The following GALNT13 variants were observed in gnomAD, a reference collection of about 807,000 sequenced individuals.
GALNT13 encodes UDP-GalNAc:polypeptide N-acetylgalactosaminyltransferase 13.
A neutral mutation model predicts 64.2 loss-of-function variants in GALNT13; 28 were observed. That is an observed-to-expected ratio of 0.44 (90% confidence interval 0.32 to 0.60). The LOEUF (loss-of-function observed/expected upper bound fraction) is 0.60, where lower values mean the gene tolerates loss of function less well. Among genes scored for constraint, GALNT13 ranks in the 20% least tolerant of loss-of-function variants. The pLI, the probability that GALNT13 is intolerant of heterozygous loss-of-function variation, is 0.05. For synonymous variants in GALNT13, 214 were observed against 224.6 expected, an observed-to-expected ratio of 0.95 and a Z score of 0.42; for missense variants, 577 against 669.8, an observed-to-expected ratio of 0.86 and a Z score of 1.53.
chr2:153,989,163 A>T (rs1223461419), intron 3 of GALNT13, among the ~76,000 whole-genome samples: 4 of 152,064 alleles, frequency 2.6e-5, no homozygotes, highest in African/African-American at 9.7e-5. Flanking sequence ...AATTGAGTAA[A>T]GCAATACTTT....
At chr2:154,409,487 C>G (rs1407383124) in intron 11 of GALNT13, 1 of 219,344 alleles carries the variant, frequency 4.6e-6, no homozygotes, top group Non-Finnish European at 9.0e-6. Flanking sequence ...TTTTTAAGAG[C>G]TTTTGAAGTT....
intron 3 of GALNT13, among the ~76,000 whole-genome samples, chr2:154,020,438 T>C (rs375900528): frequency 4.6e-5 from 7 of 152,194 alleles, no homozygotes; most frequent in East Asian, 1.9e-4. Flanking sequence ...ATTTGCATTT[T>C]TCTGATGGCC....
the GALNT13 span, among the ~76,000 whole-genome samples, chr2:153,279,198 A>G: frequency 6.6e-6 from 1 of 152,102 alleles, no homozygotes; most frequent in Non-Finnish European, 1.5e-5. Flanking sequence ...TAATTTTTGT[A>G]CACTGATTTT....
chr2:153,718,171 A>G, the GALNT13 span, among the ~76,000 whole-genome samples: 1 of 152,166 alleles, frequency 6.6e-6, no homozygotes, highest in Non-Finnish European at 1.5e-5. Flanking sequence ...CATCATTGTT[A>G]CTATTAGAAC....
chr2:154,450,426 C>G lies in GALNT13; in HGVS notation c.1546C>G (p.His516Asp). 1 of 1,611,286 alleles carries G rather than the reference C, an allele frequency of 6.2e-7. No homozygotes were observed. ...TCTTTTACAGAGACTCACGTTGCGA[C>G]ATGTTAACAGTAACCAATGTCTCGA... ...EYDAERLTLR[H>D]VNSNQCLDEP... Residue 516 changes from histidine (H) to aspartate (D), a missense_variant, in exon 13 of 13, where the codon CAT becomes GAT. Physicochemically the swap from His to Asp is moderately conservative, Grantham distance 81. Around this residue, in one of 3 missense-constraint regions of GALNT13, gnomAD observed 232 missense variants for 270.6 expected, o/e 0.86. Transcript: ENST00000392825.
chr2:154,118,503 A>T (rs946137249), intron 3 of GALNT13, among the ~76,000 whole-genome samples: 1 of 151,776 alleles, frequency 6.6e-6, no homozygotes, highest in Non-Finnish European at 1.5e-5. Flanking sequence ...GAAATGTAAT[A>T]AATTTACATT....
At chr2:153,083,362 G>T in the GALNT13 span, among the ~76,000 whole-genome samples, 1 of 152,112 alleles carries the variant, frequency 6.6e-6, no homozygotes, top group Non-Finnish European at 1.5e-5. Context: ...TGCCAGTAAT[G>T]TAAAAGTGCT....
chr2:153,919,906 G>A (rs1427188730), intron 2 of GALNT13, among the ~76,000 whole-genome samples: 1 of 150,010 alleles, frequency 6.7e-6, no homozygotes, highest in Non-Finnish European at 1.5e-5. Flanking sequence ...AACCTCTTCA[G>A]TATCTTCAAA....
chr2:153,210,058 A>G, the GALNT13 span, among the ~76,000 whole-genome samples: 1 of 151,836 alleles, frequency 6.6e-6, no homozygotes, highest in Non-Finnish European at 1.5e-5. Flanking sequence ...ACTTTACTAA[A>G]CTCACTGGTA....
the GALNT13 span, among the ~76,000 whole-genome samples, chr2:153,704,404 A>T: frequency 6.6e-6 from 1 of 152,206 alleles, no homozygotes; most frequent in East Asian, 1.9e-4. Flanking sequence ...TTTTCCTGAA[A>T]GACTTTCAAA....
chr2:153,465,605 T>C, the GALNT13 span, among the ~76,000 whole-genome samples: 8 of 151,774 alleles, frequency 5.3e-5, no homozygotes, highest in African/African-American at 1.5e-4. Flanking sequence ...TTTGGATAAA[T>C]AGGTGCCTCT....
chr2:153,097,131 CAAAAGG>C, the GALNT13 span, among the ~76,000 whole-genome samples: 1 of 152,054 alleles, frequency 6.6e-6, no homozygotes, highest in Non-Finnish European at 1.5e-5. Context: ...GATAAACAAG[CAAAAGG>C]AAAACTAATA....
chr2:154,027,953 A>G (rs13408821), intron 3 of GALNT13, among the ~76,000 whole-genome samples: 31,132 of 152,132 alleles, frequency 0.2, 4,109 homozygotes, highest in Middle Eastern at 0.33. Flanking sequence ...TGAATATTAT[A>G]TACTCGCTTT....
chr2:153,145,664 GCAGATGGCTCC>G, the GALNT13 span, among the ~76,000 whole-genome samples: 1 of 151,870 alleles, frequency 6.6e-6, no homozygotes, highest in African/African-American at 2.4e-5. Context: ...ATGCTTGGTG[GCAGATGGCTCC>G]CAGTGCAGTT....
At chr2:153,852,772 A>G in the GALNT13 span, among the ~76,000 whole-genome samples, 1 of 152,220 alleles carries the variant, frequency 6.6e-6, no homozygotes, top group Non-Finnish European at 1.5e-5. Context: ...CAGCCATATA[A>G]CCTAGCTATT....
chr2:153,565,867 C>T, the GALNT13 span, among the ~76,000 whole-genome samples: 1 of 151,598 alleles, frequency 6.6e-6, no homozygotes, highest in South Asian at 2.1e-4. Context: ...AAAATTCCTC[C>T]CTCTGTTTGG....
chr2:154,227,485 C>T (rs1199357409), intron 4 of GALNT13, among the ~76,000 whole-genome samples: 1 of 108,440 alleles, frequency 9.2e-6, no homozygotes, highest in East Asian at 3.5e-4. Context: ...CCCCCCTCCC[C>T]CCACCCCACA....
At chr2:154,186,296 A>G (rs1222847566) in intron 4 of GALNT13, among the ~76,000 whole-genome samples, 1 of 152,126 alleles carries the variant, frequency 6.6e-6, no homozygotes, top group African/African-American at 2.4e-5. Context: ...CAATGTCATT[A>G]GATGAAAAAA....
Position 154,396,057 on chromosome 2 carries a change from A to G in GALNT13, c.1223A>G (p.Lys408Arg). ...ACACTAAGAGAAAATCTGAAGTGTA[A>G]GCCCTTTTCTTGGTACCTAGAAAAC... ...RKTLRENLKC[K>R]PFSWYLENIY... Residue 408 changes from lysine to arginine, a missense_variant, in exon 10 of 13, where the codon AAG (lysine) becomes AGG (arginine). Lys to Arg is a conservative substitution (Grantham distance 26, BLOSUM62 2). Coordinates refer to ENST00000392825, the MANE Select transcript of GALNT13 (RefSeq NM_052917.4). 1 of 1,611,866 alleles carries G rather than the reference A, an allele frequency of 6.2e-7. No homozygotes were observed. Among genetic ancestry groups the G allele is most frequent in the Non-Finnish European group, 8.5e-7 (1 of 1,178,736 alleles).
Sources: gnomAD v4.1 joint callset for allele counts (sites outside exome capture counted in the v4.1 genomes callset) on GRCh38, gnomAD v4.1.1 for gene constraint, gnomAD v4.1.1 regional missense constraint, MANE v1.5 for transcripts, NCBI Gene and HGNC (gene_info 2026-07-23, HGNC 2026-07-21) for gene names.